Variants in USP13 observed in about 807,000 individuals in gnomAD.
USP13 encodes the protein ubiquitin carboxyl-terminal hydrolase 13.
USP13 carries 68 observed loss-of-function variants against 107.8 expected under a neutral mutation model. The ratio of observed to expected loss-of-function variants is 0.63; its 90% CI spans 0.52 to 0.77. The LOEUF (loss-of-function observed/expected upper bound fraction) is 0.77, where lower values mean the gene tolerates loss of function less well. Among genes scored for constraint, USP13 ranks in the 30% least tolerant of loss-of-function variants. USP13 has a pLI of 0.00. For missense variants in USP13, 945 were observed against 1,093.3 expected, an observed-to-expected ratio of 0.86 and a Z score of 1.91; for synonymous variants, 377 against 389.5, an observed-to-expected ratio of 0.97 and a Z score of 0.38.
chr3:179,728,569 C>A (rs1344294206), intron 8 of USP13, among the ~76,000 whole-genome samples: 1 of 151,532 alleles, frequency 6.6e-6, no homozygotes, highest in Non-Finnish European at 1.5e-5. Context: ...TCCTCACTTC[C>A]CAGACGGGGT....
chr3:179,707,845 G>A (rs1340029141), intron 5 of USP13, among the ~76,000 whole-genome samples: 1 of 152,178 alleles, frequency 6.6e-6, no homozygotes, highest in Non-Finnish European at 1.5e-5. Flanking sequence ...CACCTTCTGT[G>A]TGGTCTTTGG....
intron 1 of USP13, among the ~76,000 whole-genome samples, chr3:179,670,728 C>T (rs982410686): frequency 6.6e-6 from 1 of 151,778 alleles, no homozygotes; most frequent in Non-Finnish European, 1.5e-5. Flanking sequence ...GACAGATTCT[C>T]GCTCTGTCAC....
chr3:179,713,318 TTCTG>T (rs1226849456), intron 6 of USP13, among the ~76,000 whole-genome samples: 7 of 152,274 alleles, frequency 4.6e-5, no homozygotes, highest in East Asian at 1.9e-4. Flanking sequence ...TAAAAGTATT[TTCTG>T]TCTAATTGTA....
intron 19 of USP13, among the ~76,000 whole-genome samples, chr3:179,780,736 A>G (rs1715716875): frequency 6.6e-6 from 1 of 152,208 alleles, no homozygotes; most frequent in Non-Finnish European, 1.5e-5. Context: ...CAGCTGAGTA[A>G]GTTGAATGAG....
At chr3:179,766,596 C>T (rs767440159) in intron 19 of USP13, among the ~76,000 whole-genome samples, 2 of 152,218 alleles carry the variant, frequency 1.3e-5, no homozygotes, top group Admixed American at 6.5e-5. Flanking sequence ...GCGCCATAGG[C>T]CGTTGTTCTG....
intron 8 of USP13, among the ~76,000 whole-genome samples, chr3:179,727,685 A>G (rs1576956747): frequency 1.4e-5 from 1 of 69,288 alleles, no homozygotes; most frequent in Non-Finnish European, 3.2e-5. Context: ...TGTTGGGTAC[A>G]CCTCCCAGAC....
chr3:179,669,156 G>T (rs552049258), intron 1 of USP13, among the ~76,000 whole-genome samples: 1 of 152,088 alleles, frequency 6.6e-6, no homozygotes, highest in Non-Finnish European at 1.5e-5. Flanking sequence ...GGGCTAGTGC[G>T]CTCTATCCTA....
intron 8 of USP13, among the ~76,000 whole-genome samples, chr3:179,724,745 A>G (rs1713452778): frequency 6.6e-6 from 1 of 152,228 alleles, no homozygotes; most frequent in Admixed American, 6.5e-5. Flanking sequence ...CTAGATTACA[A>G]ACAGGAGGTA....
At chr3:179,760,039 T>A in intron 16 of USP13, among the ~76,000 whole-genome samples, 1 of 152,284 alleles carries the variant, frequency 6.6e-6, no homozygotes, top group South Asian at 2.1e-4. Context: ...TTTTCCTGAT[T>A]GACAGAAAAT....
At position 179,730,411 on chromosome 3, in the gene USP13, G is replaced by A; in HGVS notation, c.1160+151G>A. ...TGAGAATGTGTTACTTTTATAAGAA[G>A]ATAAAGTTATCTACAAAGGACTGAA... On this transcript the variant is annotated intron_variant, in intron 9 of 20. Transcript: ENST00000263966. 4 of 973,150 alleles carry A rather than the reference G, an allele frequency of 4.1e-6. No homozygotes were observed. In the South Asian group the frequency reaches 6.9e-5, roughly 17 times the overall value. 60.3% of individuals were successfully genotyped at this position (973,150 alleles called of 1,614,324 possible).
At chr3:179,657,255 C>T (rs377618935) in intron 1 of USP13, among the ~76,000 whole-genome samples, 13 of 152,270 alleles carry the variant, frequency 8.5e-5, no homozygotes, top group Middle Eastern at 3.4e-3. Flanking sequence ...CGGTGGCTAA[C>T]GCCTGTAATC....
At chr3:179,756,477 T>A (rs557875244) in intron 15 of USP13, among the ~76,000 whole-genome samples, 1 of 152,138 alleles carries the variant, frequency 6.6e-6, no homozygotes, top group South Asian at 2.1e-4. Flanking sequence ...GGCGCAGTGG[T>A]GCATGCCTGT....
chr3:179,665,236 T>G (rs191983895), intron 1 of USP13, among the ~76,000 whole-genome samples: 259 of 152,316 alleles, frequency 1.7e-3, no homozygotes, highest in African/African-American at 6.1e-3. Flanking sequence ...CAGAGGACCA[T>G]GGCAGGATCT....
intron 19 of USP13, among the ~76,000 whole-genome samples, chr3:179,780,365 C>T (rs1337296585): frequency 6.6e-6 from 1 of 152,138 alleles, no homozygotes; most frequent in African/African-American, 2.4e-5. Flanking sequence ...TTAGAACTAA[C>T]AAATGAGTTC....
chr3:179,782,039 A>G (rs1190852263), intron 20 of USP13, among the ~76,000 whole-genome samples: 1 of 151,842 alleles, frequency 6.6e-6, no homozygotes, highest in East Asian at 1.9e-4. Flanking sequence ...GTGAGAGCTG[A>G]TATTCAAAGC....
At chr3:179,773,134 A>G (rs796465341) in intron 19 of USP13, among the ~76,000 whole-genome samples, 39 of 152,292 alleles carry the variant, frequency 2.6e-4, no homozygotes, top group African/African-American at 9.4e-4. Context: ...TGTTTGGGTC[A>G]TGGGAGTGGA....
chr3:179,753,006 A>T (rs1201018239), intron 14 of USP13, among the ~76,000 whole-genome samples: 1 of 152,164 alleles, frequency 6.6e-6, no homozygotes, highest in East Asian at 1.9e-4. Context: ...AATTTTCCAG[A>T]CGATACATAA....
intron 1 of USP13, among the ~76,000 whole-genome samples, chr3:179,668,760 C>T (rs1720658845): frequency 6.6e-6 from 1 of 152,150 alleles, no homozygotes; most frequent in Non-Finnish European, 1.5e-5. Context: ...TATATTTCCC[C>T]CTTCTGTGTG....
intron 4 of USP13, among the ~76,000 whole-genome samples, chr3:179,702,411 G>C (rs1486695360): frequency 6.6e-6 from 1 of 152,206 alleles, no homozygotes; most frequent in Non-Finnish European, 1.5e-5. Flanking sequence ...GGTGGGTTGA[G>C]TTTAGACATG....
Sources: gnomAD v4.1 joint callset for allele counts (sites outside exome capture counted in the v4.1 genomes callset) on GRCh38, gnomAD v4.1.1 for gene constraint, MANE v1.5 for transcripts, NCBI Gene and HGNC (gene_info 2026-07-23, HGNC 2026-07-21) for gene names.